The following POLI variants were observed in gnomAD, a reference collection of about 807,000 sequenced individuals.
The protein encoded by POLI is DNA polymerase iota, also known as RAD30 homolog B.
In POLI, 58 loss-of-function variants were observed where a neutral mutation model predicts 51.6. That is an observed-to-expected ratio of 1.12 (90% CI 0.91 to 1.40). The LOEUF is 1.40. Among genes scored for constraint, POLI ranks in the 40% most tolerant of loss-of-function variants. POLI has a pLI of 0.00. For synonymous variants in POLI, 322 were observed against 299.7 expected (o/e 1.07, Z -0.77); for missense variants, 921 against 871.3 (o/e 1.06, Z -0.72).
intron 3 of POLI, among the ~76,000 whole-genome samples, chr18:54,315,746 C>G (rs1394706833): frequency 6.6e-6 from 1 of 152,078 alleles, no homozygotes; most frequent in Non-Finnish European, 1.5e-5. Flanking sequence ...GATTTAAAGT[C>G]TGTTTTATCT....
intron 7 of POLI, among the ~76,000 whole-genome samples, chr18:54,286,047 G>A (rs530857334): frequency 3.3e-5 from 5 of 152,060 alleles, no homozygotes; most frequent in African/African-American, 1.2e-4. Flanking sequence ...TTAAATTTTT[G>A]TAGATGAGGT....
intron 3 of POLI, among the ~76,000 whole-genome samples, chr18:54,305,968 C>G (rs577597228): frequency 6.6e-6 from 1 of 152,270 alleles, no homozygotes; most frequent in Admixed American, 6.5e-5. Context: ...CTGTGTTACT[C>G]AGGATGGTTT....
chr18:54,283,786 G>A (rs2087623184), intron 6 of POLI, 136 bp from the exon 7 acceptor site: 2 of 481,340 alleles, frequency 4.2e-6, no homozygotes, highest in Non-Finnish European at 7.6e-6. Flanking sequence ...ATATAAAAGT[G>A]AACTAAATGG....
intron 3 of POLI, among the ~76,000 whole-genome samples, chr18:54,312,111 T>G (rs576732591): frequency 6.6e-6 from 1 of 152,240 alleles, no homozygotes; most frequent in Admixed American, 6.5e-5. Context: ...TCTCTCCTTC[T>G]CCCTTATATT....
intron 8 of POLI, among the ~76,000 whole-genome samples, chr18:54,289,041 A>T (rs1336003144): frequency 6.6e-6 from 1 of 152,082 alleles, no homozygotes; most frequent in Non-Finnish European, 1.5e-5. Flanking sequence ...ACTGAACCTC[A>T]TAGATAATGT....
intron 7 of POLI, 95 bp downstream of exon 7, chr18:54,284,108 GATT>G: frequency 1.9e-6 from 1 of 529,372 alleles, no homozygotes. Flanking sequence ...GGAACTGACA[GATT>G]ATCTGGAGAC....
rs367680068 is a variant in POLI at position 54,285,317 on chromosome 18, A to T, written c.1067+1304A>T. Among the ~76,000 whole-genome samples the T allele has an allele frequency of 2.0e-3, 307 of 152,342 alleles. 4 individuals are homozygous for T. The South Asian group carries it at 0.03, about 15-fold the overall frequency. On this transcript the variant is annotated intron_variant, in intron 7 of 9. Coordinates refer to ENST00000579534, the MANE Select transcript of POLI (RefSeq NM_007195.3). ...TTCACATAGAAAAACCACAAGAAGT[A>T]TAAGTTTTACAGGTTCTCTTATTTG...
chr18:54,309,225 C>T (rs1382007285), intron 3 of POLI, among the ~76,000 whole-genome samples: 1 of 152,224 alleles, frequency 6.6e-6, no homozygotes, highest in Non-Finnish European at 1.5e-5. Flanking sequence ...GTGGTTTAAT[C>T]TACCTTTGGT....
Position 54,294,189 on chromosome 18 carries a change from T to G in POLI, c.1945T>G (p.Ser649Ala), listed in dbSNP as rs2088173827. 6.2e-7 allele frequency: 1 copy of G among 1,613,330 alleles called. No individual in the cohort carries two copies. Among genetic ancestry groups the G allele is most frequent in the Non-Finnish European group, 8.5e-7 (1 of 1,179,482 alleles). Reference protein sequence around the residue: ...KEPQGFHFTNSNPAVSAFHSF... With the variant: ...KEPQGFHFTNANPAVSAFHSF... ...ACCTCAAGGATTCCACTTTACAAAT[T>G]CAAACCCTGCTGTGTCTGCTTTTCA... Residue 649 changes from serine to alanine, a missense_variant, in exon 10 of 10, where the codon TCA (serine) becomes GCA (alanine). Transcript: ENST00000579534.
Position 54,297,280 on chromosome 18 carries a change from A to G in POLI, c.*2813A>G. ...GCTTTCTTGCTTTTGTTTCAGCTCG[A>G]GTTTGTTGTTGTTTTTTTTTTTTCC... On this transcript the variant is annotated 3_prime_UTR_variant, in exon 10 of 10. Coordinates refer to ENST00000579534, the MANE Select transcript of POLI (RefSeq NM_007195.3). 1.0e-6 allele frequency: 1 copy of G among 981,610 alleles called. No individual in the cohort carries two copies. The highest frequency in any genetic ancestry group is 1.8e-5 in the African/African-American group (1 of 56,310). The allele number at this position is 981,610 out of a possible 1,614,324, so 60.8% of individuals were successfully genotyped here. A position where few individuals can be genotyped will look rare whatever the true frequency, so the allele number is the denominator to read the frequency against.
chr18:54,292,690 G>T (rs518529), intron 9 of POLI, among the ~76,000 whole-genome samples: 38,466 of 151,888 alleles, frequency 0.25, 5,083 homozygotes, highest in Middle Eastern at 0.3. Flanking sequence ...AAATACTTTT[G>T]TGTTTGTTTA....
chr18:54,318,541 A>G (rs1452220780), intron 3 of POLI, among the ~76,000 whole-genome samples: 1 of 152,156 alleles, frequency 6.6e-6, no homozygotes, highest in Non-Finnish European at 1.5e-5. Context: ...GTAAAATTTC[A>G]GCTGCGTTCA....
chr18:54,310,977 C>T (rs1268999856), intron 3 of POLI: 2 of 272,398 alleles, frequency 7.3e-6, no homozygotes, highest in African/African-American at 2.3e-5. Context: ...AGGCTGGTCT[C>T]GAATGCCTGG....
chr18:54,282,307 T>G (rs551247781), intron 5 of POLI, among the ~76,000 whole-genome samples: 68 of 152,282 alleles, frequency 4.5e-4, no homozygotes, highest in Non-Finnish European at 7.2e-4. Flanking sequence ...TTTATTTTAC[T>G]GCATTTTGTG....
intron 3 of POLI, among the ~76,000 whole-genome samples, chr18:54,308,219 C>G (rs1287455506): frequency 6.6e-6 from 1 of 152,154 alleles, no homozygotes; most frequent in African/African-American, 2.4e-5. Context: ...GTGGCTGGTA[C>G]CGGTTGTTCC....
In POLI at chr18:54,304,133, G is replaced by A. The variant is rs148731373; in HGVS notation, c.334-16140G>A. Among the ~76,000 whole-genome samples, 1,138 of 152,192 alleles carry A rather than the reference G, an allele frequency of 7.5e-3. 17 individuals carry two copies. The highest frequency in any genetic ancestry group is 0.026 in the African/African-American group (1,076 of 41,518). On this transcript the variant is annotated intron_variant, in intron 3 of 4. Transcript: ENST00000579823. ...GCATAGTATTCCATGGTATATATGT[G>A]ACACATTTTCTTAATCCAGTCTATC...
chr18:54,306,639 T>A (rs753560402), intron 3 of POLI, among the ~76,000 whole-genome samples: 6 of 152,176 alleles, frequency 3.9e-5, no homozygotes, highest in Non-Finnish European at 5.9e-5. Flanking sequence ...GAATAGTTTC[T>A]GAAGGAATGG....
intron 3 of POLI, among the ~76,000 whole-genome samples, chr18:54,275,196 A>C (rs950569515): frequency 5.3e-5 from 8 of 152,226 alleles, no homozygotes; most frequent in African/African-American, 1.9e-4. Flanking sequence ...ATTGTGGCTC[A>C]TACCTGTAAT....
chr18:54,298,518 A>T (rs920682395), downstream of POLI, among the ~76,000 whole-genome samples: 4 of 151,946 alleles, frequency 2.6e-5, no homozygotes, highest in Non-Finnish European at 5.9e-5. Context: ...TGTTTAGGAA[A>T]TTCCATGGGT....
Sources: gnomAD v4.1 joint callset for allele counts (sites outside exome capture counted in the v4.1 genomes callset) on GRCh38, gnomAD v4.1.1 for gene constraint, MANE v1.5 for transcripts, NCBI Gene and HGNC (gene_info 2026-07-23, HGNC 2026-07-21) for gene names.